The following P2RY12 variants were observed in gnomAD, a reference collection of about 807,000 sequenced individuals.
The protein encoded by P2RY12 is purinergic receptor P2Y12.
A neutral mutation model predicts 4.5 loss-of-function variants in P2RY12; 3 were observed. The observed-to-expected ratio is 0.67, with a 90% confidence interval of 0.31 to 1.74. The LOEUF is 1.74. Among genes scored for constraint, P2RY12 ranks in the 40% most tolerant of loss-of-function variants. P2RY12 has a pLI of 0.09. For missense variants in P2RY12, 356 were observed against 407.8 expected (o/e 0.87, Z 1.09); for synonymous variants, 148 against 154.1 (o/e 0.96, Z 0.29).
intron 1 of P2RY12, among the ~76,000 whole-genome samples, chr3:151,361,628 T>C (rs1754624360): frequency 6.6e-6 from 1 of 152,160 alleles, no homozygotes; most frequent in African/African-American, 2.4e-5. Context: ...TTTATTTTCT[T>C]AATACTCTTA....
chr3:151,383,010 C>G, intron 1 of P2RY12, among the ~76,000 whole-genome samples: 1 of 152,216 alleles, frequency 6.6e-6, no homozygotes, highest in East Asian at 1.9e-4. Flanking sequence ...CTCTCCTTCT[C>G]TTCAGTTTGT....
chr3:151,368,203 C>A (rs1339970476), intron 1 of P2RY12: 1 of 1,613,972 alleles, frequency 6.2e-7, no homozygotes, highest in Non-Finnish European at 8.5e-7. Flanking sequence ...CCGACTCTTG[C>A]TTCATCTCTT....
chr3:151,378,511 TTAGA>T (rs1311439733), intron 1 of P2RY12, among the ~76,000 whole-genome samples: 2 of 151,864 alleles, frequency 1.3e-5, no homozygotes, highest in African/African-American at 4.8e-5. Context: ...TTTTTATTAT[TTAGA>T]TATTTATGTT....
chr3:151,369,536 A>C lies in P2RY12; in HGVS notation c.-180+15156T>G, dbSNP rs563791000. The C allele has an allele frequency of 1.7e-5, 27 of 1,606,470 alleles. No individual in the cohort carries two copies. In the East Asian group the frequency reaches 3.6e-4, roughly 21 times the overall value. ...GAGCCGTGTTTGCTGTCTTAAAAGC[A>C]ATTATGATGCTTGGTAAGATTATTC... On this transcript the variant is annotated intron_variant, in intron 1 of 2. Coordinates refer to ENST00000302632, the MANE Select transcript of P2RY12 (RefSeq NM_022788.5).
intron 1 of P2RY12, among the ~76,000 whole-genome samples, chr3:151,357,785 G>T (rs1440312622): frequency 6.6e-6 from 1 of 152,130 alleles, no homozygotes; most frequent in Non-Finnish European, 1.5e-5. Flanking sequence ...TAGAAATTTG[G>T]TTCTTCAATT....
At chr3:151,375,970 C>A in intron 1 of P2RY12, 1 of 811,840 alleles carries the variant, frequency 1.2e-6, no homozygotes, top group Non-Finnish European at 1.8e-6. Flanking sequence ...GTACATATTG[C>A]ATATATATAT....
At chr3:151,359,504 A>T (rs1472764397) in intron 1 of P2RY12, among the ~76,000 whole-genome samples, 1 of 152,078 alleles carries the variant, frequency 6.6e-6, no homozygotes, top group Non-Finnish European at 1.5e-5. Flanking sequence ...TGGCCTAGAC[A>T]TCCTATGTTC....
At chr3:151,351,953 G>A (rs769499487) in intron 1 of P2RY12, among the ~76,000 whole-genome samples, 16 of 152,290 alleles carry the variant, frequency 1.1e-4, no homozygotes, top group African/African-American at 2.6e-4. Flanking sequence ...TTGTTGTTCT[G>A]TGCTGCCTTT....
At chr3:151,368,024 T>C in intron 1 of P2RY12, 2 of 883,904 alleles carry the variant, frequency 2.3e-6, no homozygotes, top group Non-Finnish European at 3.4e-6. Context: ...AGCCAGGGCC[T>C]TATTTTCTTA....
intron 1 of P2RY12, chr3:151,382,507 G>C: frequency 2.0e-6 from 1 of 496,764 alleles, no homozygotes; most frequent in Non-Finnish European, 3.6e-6. Flanking sequence ...TTTCTGCATG[G>C]AGGAAGAAGA....
intron 1 of P2RY12, chr3:151,350,098 C>T (rs1408354823): frequency 6.2e-7 from 1 of 1,612,946 alleles, no homozygotes; most frequent in East Asian, 2.2e-5. Context: ...GCGCACAATC[C>T]TTCTCTATGG....
chr3:151,349,828 A>G (rs965224241), intron 1 of P2RY12, among the ~76,000 whole-genome samples: 9 of 150,728 alleles, frequency 6.0e-5, no homozygotes, highest in African/African-American at 2.2e-4. Flanking sequence ...AAGTGCTTCT[A>G]TTAAGACTTC....
At chr3:151,360,232 T>C (rs1322172920) in intron 1 of P2RY12, among the ~76,000 whole-genome samples, 1 of 152,204 alleles carries the variant, frequency 6.6e-6, no homozygotes, top group Non-Finnish European at 1.5e-5. Flanking sequence ...TGAAGGAATT[T>C]CTTTCCTTGC....
chr3:151,357,590 C>T (rs1450720777), intron 1 of P2RY12, among the ~76,000 whole-genome samples: 1 of 152,190 alleles, frequency 6.6e-6, no homozygotes, highest in African/African-American at 2.4e-5. Flanking sequence ...TTCCCTTCCT[C>T]CTTGCCTTTC....
Position 151,337,686 on chromosome 3 carries a change from TA to T in P2RY12, c.*130del. Reference sequence around the variant, plus strand: ...GAAAGGTAAATGAAAATTGCTTTTGTAATCTTCTGTTTCTTTAGAGTCATTA... The same window carrying T: ...GAAAGGTAAATGAAAATTGCTTTTGTATCTTCTGTTTCTTTAGAGTCATTA... On this transcript the variant is annotated 3_prime_UTR_variant, in exon 3 of 3. Coordinates refer to ENST00000302632, the MANE Select transcript of P2RY12 (RefSeq NM_022788.5). 1.1e-6 allele frequency: 1 copy of T among 920,992 alleles called. No individual in the cohort carries two copies. The highest frequency in any genetic ancestry group is 1.6e-6 in the Non-Finnish European group (1 of 616,346). 57.1% of individuals were successfully genotyped at this position (920,992 alleles called of 1,614,324 possible).
chr3:151,366,415 A>G (rs932575886), intron 1 of P2RY12, among the ~76,000 whole-genome samples: 5 of 152,210 alleles, frequency 3.3e-5, no homozygotes, highest in African/African-American at 1.2e-4. Flanking sequence ...ATACAAATAA[A>G]GGCTTTGTTG....
chr3:151,367,022 A>G (rs1207015823), intron 1 of P2RY12, among the ~76,000 whole-genome samples: 3 of 152,154 alleles, frequency 2.0e-5, no homozygotes, highest in Non-Finnish European at 4.4e-5. Context: ...GAAGATTGCT[A>G]TTGTAGTTGT....
At chr3:151,372,495 C>T (rs772294850) in intron 1 of P2RY12, 211 of 1,088,766 alleles carry the variant, frequency 1.9e-4, no homozygotes, top group Non-Finnish European at 2.9e-4. Context: ...GAATGCTATC[C>T]TCATTTGCTC....
At chr3:151,345,638 C>T (rs1224970649) in intron 1 of P2RY12, among the ~76,000 whole-genome samples, 1 of 151,534 alleles carries the variant, frequency 6.6e-6, no homozygotes, top group Non-Finnish European at 1.5e-5. Context: ...CTGCCTCAGC[C>T]TCCCGAGTAG....
Sources: gnomAD v4.1 joint callset for allele counts (sites outside exome capture counted in the v4.1 genomes callset) on GRCh38, gnomAD v4.1.1 for gene constraint, MANE v1.5 for transcripts, NCBI Gene and HGNC (gene_info 2026-07-23, HGNC 2026-07-21) for gene names.